GID8: variants seen among roughly 807,000 people sequenced by gnomAD.
GID8 encodes GID complex subunit 8 homolog.
GID8 carries 6 observed loss-of-function variants against 27.4 expected under a neutral mutation model. The ratio of observed to expected loss-of-function variants is 0.22; its 90% CI spans 0.12 to 0.43. The LOEUF is 0.43. Ranked by LOEUF, GID8 falls within the 20% of genes least tolerant of loss-of-function variation. The probability of loss-of-function intolerance (pLI) is 1.00; values close to 1 mark genes in which losing one functional copy is unlikely to be tolerated. For synonymous variants in GID8, 112 were observed against 109.0 expected (o/e 1.03, Z -0.17); for missense variants, 173 against 287.6 (o/e 0.60, Z 2.88).
At chr20:62,942,058 G>A (rs1479397775) in intron 2 of GID8, among the ~76,000 whole-genome samples, 1 of 152,152 alleles carries the variant, frequency 6.6e-6, no homozygotes, top group African/African-American at 2.4e-5. Context: ...TGGAGGAAGG[G>A]CAGTGCTGTA....
chr20:62,940,937 G>GC (rs2065440437), intron 1 of GID8, among the ~76,000 whole-genome samples: 1 of 152,236 alleles, frequency 6.6e-6, no homozygotes, highest in South Asian at 2.1e-4. Context: ...GATGGGGAGT[G>GC]CCCCCAAACC....
At position 62,941,476 on chromosome 20, in the gene GID8, AT is replaced by A; in HGVS notation, c.-12-8del. 1.4e-6 allele frequency: 2 copies of A among 1,437,186 alleles called. No homozygotes were observed. The highest frequency in any genetic ancestry group is 2.0e-6 in the Non-Finnish European group (2 of 1,018,882). 89.0% of individuals were successfully genotyped at this position (1,437,186 alleles called of 1,614,324 possible). A position where few individuals can be genotyped will look rare whatever the true frequency, so the allele number is the denominator to read the frequency against. ...CATCTAAACCCCTCCCTCAGCTGTT[AT>A]TTTTTTCCTGTAGAAATAAATCAGA... is the stretch of plus-strand genomic sequence containing the variant. On this transcript the variant is annotated splice_polypyrimidine_tract_variant and intron_variant, in intron 1 of 4. Transcript: ENST00000266069.
intron 2 of GID8, among the ~76,000 whole-genome samples, chr20:62,942,774 G>A (rs556678825): frequency 5.3e-5 from 8 of 152,218 alleles, no homozygotes; most frequent in Admixed American, 4.6e-4. Context: ...TTTTGGATGG[G>A]ATAACAAGGA....
At chr20:62,942,672 C>T (rs1601071268) in intron 2 of GID8, among the ~76,000 whole-genome samples, 1 of 152,158 alleles carries the variant, frequency 6.6e-6, no homozygotes, top group African/African-American at 2.4e-5. Context: ...CGGCTGCTGG[C>T]GTCTGGACCT....
chr20:62,945,571 G>T lies in GID8; in HGVS notation c.*659G>T. Reference sequence around the variant, plus strand: ...TGTGGTAAGAGACTTGTTCCTAGTGGATCAATGAACCATCTCTTCTGGGCA... The same window carrying T: ...TGTGGTAAGAGACTTGTTCCTAGTGTATCAATGAACCATCTCTTCTGGGCA... On this transcript the variant is annotated 3_prime_UTR_variant, in exon 5 of 5. Coordinates refer to ENST00000266069, the MANE Select transcript of GID8 (RefSeq NM_017896.3). The T allele has an allele frequency of 8.8e-7, 1 of 1,137,150 alleles. No individual in the cohort carries two copies. Among genetic ancestry groups the T allele is most frequent in the Middle Eastern group, 4.1e-4 (1 of 2,426 alleles). 70.4% of individuals were successfully genotyped at this position (1,137,150 alleles called of 1,614,324 possible).
At chr20:62,941,449 A>T in intron 1 of GID8, 42 bp from the exon 2 acceptor site, 1 of 1,054,820 alleles carries the variant, frequency 9.5e-7, no homozygotes, top group Non-Finnish European at 1.5e-6. Flanking sequence ...CCCTTGGAGG[A>T]GCATCTAAAC....
At chr20:62,944,645 A>C in intron 4 of GID8, 94 bp from the exon 5 acceptor site, 1 of 848,978 alleles carries the variant, frequency 1.2e-6, no homozygotes, top group Non-Finnish European at 2.0e-6. Context: ...CTCGCAGTTA[A>C]GAGCTTAATG....
rs1363748313 is a variant in GID8 at position 62,944,953 on chromosome 20, C to T, written c.*41C>T. Reference sequence around the variant, plus strand: ...GGTGGATCCAACACCAGCCCTGCGTCGTGGGACTTGCCTCAGATCAGCCTG... The same window carrying T: ...GGTGGATCCAACACCAGCCCTGCGTTGTGGGACTTGCCTCAGATCAGCCTG... On this transcript the variant is annotated 3_prime_UTR_variant, in exon 5 of 5. Coordinates refer to ENST00000266069, the MANE Select transcript of GID8 (RefSeq NM_017896.3). The T allele has an allele frequency of 2.5e-6, 4 of 1,572,148 alleles. No homozygotes were observed. The highest frequency in any genetic ancestry group is 3.5e-6 in the Non-Finnish European group (4 of 1,157,296).
intron 2 of GID8, among the ~76,000 whole-genome samples, chr20:62,942,288 A>G (rs2065447107): frequency 6.6e-6 from 1 of 151,186 alleles, no homozygotes; most frequent in South Asian, 2.1e-4. Context: ...TGTCTCTACA[A>G]AAAAAAAATG....
chr20:62,944,697 C>A, intron 4 of GID8, 42 bp from the exon 5 acceptor site: 1 of 1,358,756 alleles, frequency 7.4e-7, no homozygotes, highest in South Asian at 1.2e-5. Context: ...TGCTGGTGCT[C>A]TGCGTGTATG....
At chr20:62,940,419 G>C (rs2065438010) in intron 1 of GID8, among the ~76,000 whole-genome samples, 1 of 149,362 alleles carries the variant, frequency 6.7e-6, no homozygotes, top group African/African-American at 2.5e-5. Flanking sequence ...GCATGATCTC[G>C]GCTCACTGCA....
intron 1 of GID8, among the ~76,000 whole-genome samples, chr20:62,941,222 G>A (rs1190301439): frequency 6.6e-6 from 1 of 152,252 alleles, no homozygotes; most frequent in Non-Finnish European, 1.5e-5. Flanking sequence ...TTGCTGGGTT[G>A]TGAGGAGCAC....
At chr20:62,944,692 G>A (rs765138785) in intron 4 of GID8, 47 bp from the exon 5 acceptor site, 14 of 1,295,924 alleles carry the variant, frequency 1.1e-5, no homozygotes, top group Non-Finnish European at 2.2e-6. Context: ...GACTCTGCTG[G>A]TGCTCTGCGT....
Position 62,944,799 on chromosome 20 carries a change from C to G in GID8, c.574C>G (p.Leu192Val). 1 of 1,614,214 alleles carries G rather than the reference C, an allele frequency of 6.2e-7. No individual in the cohort carries two copies. The highest frequency in any genetic ancestry group is 2.2e-5 in the East Asian group (1 of 44,890). ...TGAAAATCGCGAGTCAACACCCAAA[C>G]TGGCAAAATTACTGAAACTACTACT... ...DYENRESTPK[L>V]AKLLKLLLWA... Residue 192 changes from leucine (L) to valine (V), a missense_variant, in exon 5 of 5, where the codon CTG becomes GTG. By Grantham distance (32) the Leu-to-Val change is conservative (BLOSUM62 1). Transcript: ENST00000266069.
Position 62,948,133 on chromosome 20 carries a change from T to G in GID8, c.*3221T>G, listed in dbSNP as rs2065474095. 1 of 152,262 alleles carries G rather than the reference T, an allele frequency of 6.6e-6. No individual in the cohort carries two copies. Among genetic ancestry groups the G allele is most frequent in the Non-Finnish European group, 1.5e-5 (1 of 68,046 alleles). 9.4% of individuals were successfully genotyped at this position (152,262 alleles called of 1,614,324 possible). A position where few individuals can be genotyped will look rare whatever the true frequency, so the allele number is the denominator to read the frequency against. On this transcript the variant is annotated 3_prime_UTR_variant, in exon 5 of 5. Coordinates refer to ENST00000266069, the MANE Select transcript of GID8 (RefSeq NM_017896.3). ...TGGGTGTAGCCGCATGGCAGACCCA[T>G]GGCTGGCGCAGCTGCCTGTTGCCGT...
chr20:62,940,058 A>G (rs891665189), intron 1 of GID8, among the ~76,000 whole-genome samples: 5 of 152,132 alleles, frequency 3.3e-5, no homozygotes, highest in African/African-American at 1.2e-4. Flanking sequence ...AAAAAAAACA[A>G]ACAAAATAGG....
intron 2 of GID8, among the ~76,000 whole-genome samples, chr20:62,942,582 G>A (rs2065448313): frequency 6.6e-6 from 1 of 152,252 alleles, no homozygotes; most frequent in Admixed American, 6.5e-5. Flanking sequence ...ACAGGCCACT[G>A]CAGGTATAGC....
In GID8 at chr20:62,942,973, G is replaced by T. The variant is rs1000631277; in HGVS notation, c.119-14G>T. 1.3e-6 allele frequency: 2 copies of T among 1,599,006 alleles called. No individual in the cohort carries two copies. Among genetic ancestry groups the T allele is most frequent in the Admixed American group, 1.7e-5 (1 of 59,304 alleles). On this transcript the variant is annotated splice_polypyrimidine_tract_variant and intron_variant, in intron 2 of 4. Coordinates refer to ENST00000266069, the MANE Select transcript of GID8 (RefSeq NM_017896.3). ...GCTAACTTTCCTAGCAGTGAAGATGGTTTTTCTATTCAGAGGGCTTTAAGG... is the reference window on the plus strand; with the variant it reads ...GCTAACTTTCCTAGCAGTGAAGATGTTTTTTCTATTCAGAGGGCTTTAAGG...
chr20:62,939,276 A>G (rs1048143470), intron 1 of GID8, among the ~76,000 whole-genome samples: 5 of 152,070 alleles, frequency 3.3e-5, no homozygotes, highest in African/African-American at 4.8e-5. Flanking sequence ...GCTCCACATC[A>G]AGTTTTCTTC....
Sources: allele counts gnomAD v4.1 joint callset (sites outside exome capture counted in the v4.1 genomes callset), GRCh38; gene constraint gnomAD v4.1.1; transcripts MANE v1.5; gene names NCBI Gene and HGNC (gene_info 2026-07-23, HGNC 2026-07-21).